Variants in TTN observed in about 807,000 individuals in gnomAD.
TTN encodes titin.
TTN carries 1,525 observed loss-of-function variants against 3,223.0 expected under a neutral mutation model. The observed-to-expected ratio is 0.47, with a 90% CI of 0.45 to 0.49. TTN has a LOEUF of 0.49. Ranked by LOEUF, TTN falls within the 20% of genes least tolerant of loss-of-function variation. The pLI is 0.00. For synonymous variants in TTN, 14,094 were observed against 15,161.0 expected (o/e 0.93, Z 5.17); for missense variants, 40,786 against 43,424.0 (o/e 0.94, Z 5.40).
chr2:178,576,403 T>A lies in TTN; in HGVS notation c.69729A>T (p.Pro23243=). ...TATCAGTGACATGCGGATTTGAAGGTGGTCCTGGAGGATCTGAGAAAGAAA... is the reference window on the plus strand; with the variant it reads ...TATCAGTGACATGCGGATTTGAAGGAGGTCCTGGAGGATCTGAGAAAGAAA... ...LMKDAAYPPG[P]PSNPHVTDTT... The change falls in exon 326 of 363, where the codon CCA becomes CCT. Residue 23243 remains proline, a synonymous_variant. Coordinates refer to ENST00000589042, the MANE Select transcript of TTN (RefSeq NM_001267550.2). The surrounding 1 kb of genome is among the most constrained non-coding windows in gnomAD (Gnocchi z 4.3). The A allele has an allele frequency of 7.0e-6, 11 of 1,568,950 alleles. No individual in the cohort carries two copies. The highest frequency in any genetic ancestry group is 9.4e-6 in the Non-Finnish European group (11 of 1,164,668).
rs563949485 is a variant in TTN at position 178,555,613 on chromosome 2, T to C, written c.88307-461A>G. 1.6e-4 allele frequency: 26 copies of C among 158,792 alleles called. 1 individual carries two copies. The South Asian group carries it at 4.4e-3, about 27-fold the overall frequency. The allele number at this position is 158,792 out of a possible 1,614,324, so 9.8% of individuals were successfully genotyped here. A position where few individuals can be genotyped will look rare whatever the true frequency, so the allele number is the denominator to read the frequency against. ...ATTCTCTACCCACAGAGCTACATAA[T>C]TACTGGACAGATTTTCTGCCATGCT... is the stretch of plus-strand genomic sequence containing the variant. On this transcript the variant is annotated intron_variant, in intron 330 of 362. Transcript: ENST00000589042.
rs371004819 is a variant in TTN at position 178,589,123 on chromosome 2, C to T, written c.62602G>A (p.Val20868Met). The T allele has an allele frequency of 1.1e-5, 18 of 1,612,394 alleles. No homozygotes were observed. The highest frequency in any genetic ancestry group is 1.4e-5 in the Non-Finnish European group (17 of 1,179,642). ...ACATCAACAATTTTCAGATTTCTCACAGGACCAGGCTTATCTAAAACATTG... is the reference window on the plus strand; with the variant it reads ...ACATCAACAATTTTCAGATTTCTCATAGGACCAGGCTTATCTAAAACATTG... ...TVNVLDKPGP[V>M]RNLKIVDVSS... Residue 20868 changes from valine to methionine, a missense_variant, in exon 304 of 363, where the codon GTG becomes ATG. Transcript: ENST00000589042.
rs886055256 is a variant in TTN, at chr2:178,590,914, G to T, written c.60811C>A (p.Pro20271Thr). 1 of 1,612,722 alleles carries T rather than the reference G, an allele frequency of 6.2e-7. No homozygotes were observed. The highest frequency in any genetic ancestry group is 1.3e-5 in the African/African-American group (1 of 74,978). Reference sequence around the variant, plus strand: ...ACTGGTTTACCAGGAGGAGACGGAGGACTAAATTTATGCTTAGCAACAGTA... The same window carrying T: ...ACTGGTTTACCAGGAGGAGACGGAGTACTAAATTTATGCTTAGCAACAGTA... ...TPTVAKHKFS[P>T]PSPPGKPVVT... The change falls in exon 304 of 363, where the codon CCT becomes ACT. Residue 20271 changes from proline (P) to threonine (T), a missense_variant. Transcript: ENST00000589042.
chr2:178,615,359 G>A lies in TTN; in HGVS notation c.48586C>T (p.Pro16196Ser). 6.2e-7 allele frequency: 1 copy of A among 1,612,468 alleles called. No individual in the cohort carries two copies. Among genetic ancestry groups the A allele is most frequent in the South Asian group, 1.1e-5 (1 of 90,982 alleles). ...GCAACCCATTTATCAGAACCACGTG[G>A]ACATCTTTCAACTATATATCCTTTG... ...RIKGYIVERC[P>S]RGSDKWVACG... is the part of the protein sequence containing the mutation. Residue 16196 changes from proline (P) to serine (S), a missense_variant, in exon 259 of 363, where the codon CCA (proline) becomes TCA (serine). Coordinates refer to ENST00000589042, the MANE Select transcript of TTN (RefSeq NM_001267550.2).
intron 34 of TTN, chr2:178,770,883 T>C (rs948007036): frequency 3.6e-6 from 3 of 833,794 alleles, no homozygotes; most frequent in African/African-American, 3.3e-5. Context: ...AAATGATTTT[T>C]CTATGCTTTA....
Position 178,625,317 on chromosome 2 carries a change from A to T in TTN, c.44504T>A (p.Leu14835Gln), listed in dbSNP as rs1559907686. 2 of 1,608,084 alleles carry T rather than the reference A, an allele frequency of 1.2e-6. No homozygotes were observed. Among genetic ancestry groups the T allele is most frequent in the African/African-American group, 2.7e-5 (2 of 74,564 alleles). ...GTGAGTTTTGAAATCTTTTGCTGTTAGTTGGACTTCCCCAGCATCTTCTAA... is the reference window on the plus strand; with the variant it reads ...GTGAGTTTTGAAATCTTTTGCTGTTTGTTGGACTTCCCCAGCATCTTCTAA... Reference protein sequence around the residue: ...VKLEDAGEVQLTAKDFKTHAN... With the variant: ...VKLEDAGEVQQTAKDFKTHAN... Residue 14835 changes from leucine to glutamine, a missense_variant, in exon 241 of 363, where the codon CTA becomes CAA. Transcript: ENST00000589042.
At chr2:178,553,834 A>G in intron 333 of TTN, 27 bp from the exon 334 acceptor site, 1 of 1,566,578 alleles carries the variant, frequency 6.4e-7, no homozygotes, top group Non-Finnish European at 8.6e-7. Flanking sequence ...CAATAAAATA[A>G]TTACACAATC....
At chr2:178,637,517 T>C (rs2060654520) in intron 223 of TTN, 98 bp from the exon 224 acceptor site, 1 of 616,688 alleles carries the variant, frequency 1.6e-6, no homozygotes, top group African/African-American at 1.9e-5. Context: ...ATTATAAATA[T>C]TAACGCATAA....
Position 178,621,714 on chromosome 2 carries a change from A to G in TTN, c.45110T>C (p.Leu15037Pro). Reference sequence around the variant, plus strand: ...TGTTTCACTAACTTCAATGTTGGCAAGATTTTTGGTAAAGACAGCTTCTTC... The same window carrying G: ...TGTTTCACTAACTTCAATGTTGGCAGGATTTTTGGTAAAGACAGCTTCTTC... ...LEEEAVFTKN[L>P]ANIEVSETDT... Residue 15037 changes from leucine (L) to proline (P), a missense_variant, in exon 245 of 363, where the codon CTT (leucine) becomes CCT (proline). Transcript: ENST00000589042. 1 of 1,611,708 alleles carries G rather than the reference A, an allele frequency of 6.2e-7. No homozygotes were observed. The highest frequency in any genetic ancestry group is 8.5e-7 in the Non-Finnish European group (1 of 1,178,860).
chr2:178,776,188 A>G lies in TTN; in HGVS notation c.5676T>C (p.Asp1892=). The change falls in exon 28 of 363, where the codon GAT becomes GAC. Residue 1892 remains aspartate (D), a synonymous_variant. Coordinates refer to ENST00000589042, the MANE Select transcript of TTN (RefSeq NM_001267550.2). Reference sequence around the variant, plus strand: ...CCACGATGTCCAGGTAATGGATACCATCATAGCGAACTCTGAACCTTTTGC... The same window carrying G: ...CCACGATGTCCAGGTAATGGATACCGTCATAGCGAACTCTGAACCTTTTGC... ...RKSKRFRVRY[D]GIHYLDIVDC... is the part of the protein sequence containing the mutation. The G allele has an allele frequency of 6.2e-7, 1 of 1,614,146 alleles. No individual in the cohort carries two copies. The highest frequency in any genetic ancestry group is 8.5e-7 in the Non-Finnish European group (1 of 1,179,996).
In TTN at chr2:178,719,348, A is replaced by G; in HGVS notation, c.24042T>C (p.Ile8014=). 1.9e-6 allele frequency: 3 copies of G among 1,613,746 alleles called. No individual in the cohort carries two copies. Residue 8014 remains isoleucine, a synonymous_variant, in exon 83 of 363, where the codon ATT becomes ATC. Coordinates refer to ENST00000589042, the MANE Select transcript of TTN (RefSeq NM_001267550.2). ...TTCCATCCTGAAACCAGCCAACTGA[A>G]ATCGGGGCTGAGCCAGAGACTCGGC... ...LECRVSGSAP[I]SVGWFQDGNE...
In TTN at chr2:178,578,063, C is replaced by G; in HGVS notation, c.68452G>C (p.Val22818Leu). 1 of 1,613,228 alleles carries G rather than the reference C, an allele frequency of 6.2e-7. No homozygotes were observed. Among genetic ancestry groups the G allele is most frequent in the Non-Finnish European group, 8.5e-7 (1 of 1,179,468 alleles). ...LTEGLEYEFR[V>L]MAINLAGVGK... Reference sequence around the variant, plus strand: ...ACACCTGCTAAATTGATTGCCATAACTCGGAATTCATATTCAAGACCTTCA... The same window carrying G: ...ACACCTGCTAAATTGATTGCCATAAGTCGGAATTCATATTCAAGACCTTCA... Residue 22818 changes from valine to leucine, a missense_variant, in exon 322 of 363, where the codon GTT (valine) becomes CTT (leucine). Transcript: ENST00000589042.
At chr2:178,547,376 G>A (rs764671321) in intron 339 of TTN, 31 bp downstream of exon 339, 1 of 1,581,074 alleles carries the variant, frequency 6.3e-7, no homozygotes, top group East Asian at 2.3e-5. Context: ...TAATAATAGA[G>A]ACTTTGAAAT....
chr2:178,567,071 C>T lies in TTN; in HGVS notation c.79061G>A (p.Gly26354Asp), dbSNP rs1706180054. Reference protein sequence around the residue: ...NSLKVTKLLEGNEYVFRIMAV... With the variant: ...NSLKVTKLLEDNEYVFRIMAV... The stretch of plus-strand genomic sequence containing the variant: ...CATTATACGGAAAACATATTCATTA[C>T]CTTCTAAGAGTTTGGTAACTTTCAG... Residue 26354 changes from glycine (G) to aspartate (D), a missense_variant, in exon 326 of 363, where the codon GGT becomes GAT. By Grantham distance (94) the Gly-to-Asp change is moderately conservative (BLOSUM62 -1). Coordinates refer to ENST00000589042, the MANE Select transcript of TTN (RefSeq NM_001267550.2). 1.2e-6 allele frequency: 2 copies of T among 1,613,454 alleles called. No homozygotes were observed. The highest frequency in any genetic ancestry group is 1.7e-6 in the Non-Finnish European group (2 of 1,179,634).
At position 178,609,574 on chromosome 2, in the gene TTN, T is replaced by A. The variant is rs774875894; in HGVS notation, c.51740-4A>T. ...CTCAGAATGACTTTGGGGGCATCTA[T>A]AGTGATCATAACCAATAAATGTTTT... On this transcript the variant is annotated splice_polypyrimidine_tract_variant and splice_region_variant and intron_variant, in intron 272 of 362. Coordinates refer to ENST00000589042, the MANE Select transcript of TTN (RefSeq NM_001267550.2). The A allele has an allele frequency of 1.9e-6, 3 of 1,594,574 alleles. No individual in the cohort carries two copies. Among genetic ancestry groups the A allele is most frequent in the Non-Finnish European group, 8.5e-7 (1 of 1,170,268 alleles).
intron 223 of TTN, among the ~76,000 whole-genome samples, chr2:178,639,257 A>G (rs1440502156): frequency 6.6e-6 from 1 of 152,070 alleles, no homozygotes; most frequent in Non-Finnish European, 1.5e-5. Flanking sequence ...TTGTACAACC[A>G]TCAACACTAT....
At chr2:178,749,868 G>A in intron 47 of TTN, 1 of 1,613,054 alleles carries the variant, frequency 6.2e-7, no homozygotes, top group Non-Finnish European at 8.5e-7. Flanking sequence ...AAACATTCAA[G>A]AATGATGGAA....
rs766917273 is a variant in TTN, at chr2:178,704,641, C to G, written c.29831G>C (p.Ser9944Thr). 6.2e-7 allele frequency: 1 copy of G among 1,612,432 alleles called. No homozygotes were observed. The highest frequency in any genetic ancestry group is 8.5e-7 in the Non-Finnish European group (1 of 1,179,006). ...WYKGTEKLEP[S>T]DKFEISIDGD... ...ATCAATGCTTATTTCAAATTTATCA[C>G]TGGGTTCCAGTTTTTCAGTTCCTTT... The change falls in exon 105 of 363, where the codon AGT becomes ACT. Residue 9944 changes from serine (S) to threonine (T), a missense_variant. Coordinates refer to ENST00000589042, the MANE Select transcript of TTN (RefSeq NM_001267550.2).
chr2:178,650,770 C>T lies in TTN; in HGVS notation c.39690G>A (p.Ala13230=), dbSNP rs528832388. ...EKPAVPVPER[A]ESPPPEVYEE... ...GTGTACCTTCTGGGGGAGGAGACTCCGCTCTTTCTGGAACAGGAACAGCTG... is the reference window on the plus strand; with the variant it reads ...GTGTACCTTCTGGGGGAGGAGACTCTGCTCTTTCTGGAACAGGAACAGCTG... Residue 13230 remains alanine, a synonymous_variant, in exon 209 of 363, where the codon GCG becomes GCA. Transcript: ENST00000589042. The T allele has an allele frequency of 7.3e-5, 118 of 1,606,460 alleles. No individual in the cohort carries two copies. In the East Asian group the frequency reaches 1.0e-3, roughly 14 times the overall value.
Sources: allele counts gnomAD v4.1 joint callset (sites outside exome capture counted in the v4.1 genomes callset), GRCh38; gene constraint gnomAD v4.1.1; non-coding constraint Gnocchi (gnomAD v3.1); transcripts MANE v1.5; gene names NCBI Gene and HGNC (gene_info 2026-07-23, HGNC 2026-07-21).